The following ASH1L variants were observed in gnomAD, a reference collection of about 807,000 sequenced individuals.
ASH1L encodes ASH1 like histone lysine methyltransferase.
Under a neutral mutation model 269.0 loss-of-function variants are expected in ASH1L, and 23 were observed. The observed-to-expected ratio is 0.09, with a 90% CI of 0.06 to 0.12. The LOEUF (loss-of-function observed/expected upper bound fraction) is 0.12. ASH1L is among the 10% of genes least tolerant of loss of function. The probability of loss-of-function intolerance (pLI) is 1.00; values close to 1 mark genes in which losing one functional copy is unlikely to be tolerated. For missense variants in ASH1L, 2,912 were observed against 3,567.8 expected, an observed-to-expected ratio of 0.82 and a Z score of 4.68; for synonymous variants, 1,187 against 1,253.5, an observed-to-expected ratio of 0.95 and a Z score of 1.12.
chr1:155,397,151 C>T (rs1658427469), intron 6 of ASH1L, among the ~76,000 whole-genome samples: 1 of 145,298 alleles, frequency 6.9e-6, no homozygotes, highest in South Asian at 2.2e-4. Flanking sequence ...AAAAAAAAAG[C>T]ATGGTAACAA....
At chr1:155,539,284 A>C (rs1670263515) in intron 1 of ASH1L, among the ~76,000 whole-genome samples, 1 of 151,392 alleles carries the variant, frequency 6.6e-6, no homozygotes, top group African/African-American at 2.4e-5. Context: ...TCACATAAAT[A>C]ATCTGTGATT....
chr1:155,486,519 T>C (rs1666338741), intron 2 of ASH1L, among the ~76,000 whole-genome samples: 1 of 152,120 alleles, frequency 6.6e-6, no homozygotes, highest in Non-Finnish European at 1.5e-5. Flanking sequence ...TAATTGTACA[T>C]TTTGAAATAA....
At chr1:155,496,693 C>T (rs1013786431) in intron 2 of ASH1L, among the ~76,000 whole-genome samples, 22 of 152,226 alleles carry the variant, frequency 1.4e-4, no homozygotes, top group Admixed American at 3.3e-4. Flanking sequence ...GGCTGGAGTT[C>T]AGTGGCAAGA....
intron 2 of ASH1L, among the ~76,000 whole-genome samples, chr1:155,512,058 C>T (rs1365323988): frequency 3.9e-5 from 6 of 152,070 alleles, no homozygotes; most frequent in East Asian, 1.9e-4. Context: ...GTGATCCACC[C>T]GCCTGGGTCT....
intron 5 of ASH1L, 84 bp from the exon 6 acceptor site, chr1:155,416,007 T>G: frequency 9.0e-7 from 1 of 1,109,756 alleles, no homozygotes; most frequent in Non-Finnish European, 1.2e-6. Flanking sequence ...AAAAAAACCA[T>G]AGCAATTAAA....
chr1:155,545,399 A>C (rs60137217), intron 1 of ASH1L, among the ~76,000 whole-genome samples: 1,540 of 151,802 alleles, frequency 0.01, 28 homozygotes, highest in African/African-American at 0.035. Flanking sequence ...TAGAAAAATA[A>C]AAGTACCAAT....
chr1:155,416,808 AG>A, intron 5 of ASH1L, among the ~76,000 whole-genome samples: 1 of 152,136 alleles, frequency 6.6e-6, no homozygotes, highest in Non-Finnish European at 1.5e-5. Context: ...CTGGGATTAC[AG>A]GCATGAGCCA....
In ASH1L at chr1:155,478,488, A is replaced by G. The variant is rs1398351579; in HGVS notation, c.4382T>C (p.Leu1461Pro). 2.5e-6 allele frequency: 4 copies of G among 1,614,028 alleles called. No individual in the cohort carries two copies. The highest frequency in any genetic ancestry group is 1.3e-5 in the African/African-American group (1 of 74,928). The change falls in exon 3 of 28, where the codon CTT (leucine) becomes CCT (proline). Residue 1461 changes from leucine to proline, a missense_variant. Coordinates refer to ENST00000392403, the MANE Select transcript of ASH1L (RefSeq NM_018489.3). This position sits in a 1 kb window ranked among gnomAD's most constrained non-coding sequence, Gnocchi z 4.6. ...AFLTTSRTPL[L>P]SMSTYPSVPP... ...AACACTGGGGTAGGTACTCATGGAAAGGAGGGGAGTCCTGCTGGTTGTAAG... is the reference window on the plus strand; with the variant it reads ...AACACTGGGGTAGGTACTCATGGAAGGGAGGGGAGTCCTGCTGGTTGTAAG...
At chr1:155,341,529 A>G (rs1652818550) in intron 25 of ASH1L, among the ~76,000 whole-genome samples, 2 of 152,188 alleles carry the variant, frequency 1.3e-5, no homozygotes, top group African/African-American at 4.8e-5. Context: ...GCATAAAAAG[A>G]AAAAGCACTG....
At chr1:155,521,925 A>G (rs534458233) in intron 1 of ASH1L, among the ~76,000 whole-genome samples, 80 of 152,300 alleles carry the variant, frequency 5.3e-4, no homozygotes, top group African/African-American at 1.8e-3. Context: ...AATCAAAATA[A>G]CTTTCATATA....
intron 4 of ASH1L, among the ~76,000 whole-genome samples, chr1:155,459,431 G>A (rs1191133775): frequency 6.6e-6 from 1 of 152,090 alleles, no homozygotes; most frequent in East Asian, 1.9e-4. Flanking sequence ...CCTGATCTCA[G>A]GTGATCCACC....
intron 3 of ASH1L, among the ~76,000 whole-genome samples, chr1:155,475,046 CTCTG>C (rs1665429324): frequency 6.6e-6 from 1 of 152,228 alleles, no homozygotes; most frequent in African/African-American, 2.4e-5. Flanking sequence ...TCACTACTCT[CTCTG>C]TATTTCCTCT....
intron 5 of ASH1L, among the ~76,000 whole-genome samples, chr1:155,434,963 GC>G (rs1342865009): frequency 6.6e-6 from 1 of 152,172 alleles, no homozygotes; most frequent in Non-Finnish European, 1.5e-5. Flanking sequence ...TTCAAGACCA[GC>G]CTGGCCAACA....
At chr1:155,502,634 A>C (rs912841217) in intron 2 of ASH1L, among the ~76,000 whole-genome samples, 5 of 152,226 alleles carry the variant, frequency 3.3e-5, no homozygotes, top group Non-Finnish European at 7.3e-5. Context: ...GCTATATGTT[A>C]AAAACAGAAA....
chr1:155,362,562 CAG>C (rs1655060975), intron 12 of ASH1L, among the ~76,000 whole-genome samples: 1 of 151,950 alleles, frequency 6.6e-6, no homozygotes, highest in Admixed American at 6.6e-5. Context: ...CTGAGGCACA[CAG>C]GGAGCCACTT....
At chr1:155,526,831 C>T (rs1055220468) in intron 1 of ASH1L, among the ~76,000 whole-genome samples, 2 of 152,230 alleles carry the variant, frequency 1.3e-5, no homozygotes, top group Non-Finnish European at 2.9e-5. Flanking sequence ...TTCTCTCTCA[C>T]ATCATCCATT....
chr1:155,457,139 CT>C (rs1208672079), intron 4 of ASH1L, among the ~76,000 whole-genome samples: 1 of 152,122 alleles, frequency 6.6e-6, no homozygotes, highest in African/African-American at 2.4e-5. Flanking sequence ...AAAAATAAGC[CT>C]TTGTTGTTTT....
At chr1:155,364,282 G>T (rs1247777995) in intron 12 of ASH1L, among the ~76,000 whole-genome samples, 3 of 152,152 alleles carry the variant, frequency 2.0e-5, no homozygotes, top group African/African-American at 7.2e-5. Context: ...GGGAGAAAAA[G>T]ATATCTTCTA....
At chr1:155,536,153 T>C (rs901632689) in intron 1 of ASH1L, among the ~76,000 whole-genome samples, 2 of 152,312 alleles carry the variant, frequency 1.3e-5, no homozygotes, top group Middle Eastern at 3.4e-3. Context: ...ATGGAGGTTC[T>C]AGTCAAGCCA....
Sources: allele counts gnomAD v4.1 joint callset (sites outside exome capture counted in the v4.1 genomes callset), GRCh38; gene constraint gnomAD v4.1.1; non-coding constraint Gnocchi (gnomAD v3.1); transcripts MANE v1.5; gene names NCBI Gene and HGNC (gene_info 2026-07-23, HGNC 2026-07-21).